UBAP2: variants seen among roughly 807,000 people sequenced by gnomAD.
UBAP2 encodes the protein ubiquitin associated protein 2.
UBAP2 carries 75 observed loss-of-function variants against 139.6 expected under a neutral mutation model. The observed-to-expected ratio is 0.54, with a 90% CI of 0.45 to 0.65. The LOEUF (loss-of-function observed/expected upper bound fraction) is 0.65, where lower values mean the gene tolerates loss of function less well. UBAP2 is among the 30% of genes least tolerant of loss of function. The probability of loss-of-function intolerance (pLI) is 0.00; values close to 1 mark genes in which losing one functional copy is unlikely to be tolerated. For missense variants in UBAP2, 1,368 were observed against 1,369.6 expected (o/e 1.00, Z 0.02); for synonymous variants, 526 against 526.2 (o/e 1.00, Z 0.01).
rs777878760 is a variant in UBAP2 at position 33,953,295 on chromosome 9, G to C, written c.1046C>G (p.Pro349Arg). Residue 349 changes from proline (P) to arginine (R), a missense_variant, in exon 12 of 29, where the codon CCT becomes CGT. By Grantham distance (103) the Pro-to-Arg change is moderately radical. Coordinates refer to ENST00000379238, the MANE Select transcript of UBAP2 (RefSeq NM_001370062.2). ...ATAAAAGTGAGTTACCAGGCTCTGA[G>C]GAGAACAGGAGTTGACGGCAGTGGA... The part of the protein sequence containing the change: ...GSSTAVNSCS[P>R]QSLSSVLGSG... 3.1e-6 allele frequency: 5 copies of C among 1,613,654 alleles called. No homozygotes were observed. Among genetic ancestry groups the C allele is most frequent in the East Asian group, 2.2e-5 (1 of 44,874 alleles).
intron 1 of UBAP2, among the ~76,000 whole-genome samples, chr9:34,038,971 G>A (rs1251143034): frequency 5.3e-5 from 7 of 133,076 alleles, no homozygotes; most frequent in Non-Finnish European, 9.5e-5. Flanking sequence ...GCCCGACCGC[G>A]ACCCCGTCTG....
rs541804451 is a variant in UBAP2, at chr9:33,968,647, A to G, written c.679+3004T>C. The stretch of plus-strand genomic sequence containing the variant: ...ATAATCATACGGATTTTTCTCCTTA[A>G]TTTTGTTAAATGGATAATACTAATT... On this transcript the variant is annotated intron_variant, in intron 8 of 28. Coordinates refer to ENST00000379238, the MANE Select transcript of UBAP2 (RefSeq NM_001370062.2). The G allele has an allele frequency of 4.4e-5, 12 of 272,062 alleles. No homozygotes were observed. The South Asian group carries it at 5.2e-4, about 12-fold the overall frequency. The allele number at this position is 272,062 out of a possible 1,614,324, so 16.9% of individuals were successfully genotyped here. A position where few individuals can be genotyped will look rare whatever the true frequency, so the allele number is the denominator to read the frequency against.
chr9:33,923,141 C>A, intron 26 of UBAP2, 45 bp downstream of exon 26: 1 of 1,611,770 alleles, frequency 6.2e-7, no homozygotes, highest in Non-Finnish European at 8.5e-7. Flanking sequence ...CAGGCAGGAG[C>A]CCACCACTCC....
At chr9:34,001,771 T>C (rs905995193) in intron 2 of UBAP2, among the ~76,000 whole-genome samples, 1 of 152,084 alleles carries the variant, frequency 6.6e-6, no homozygotes, top group African/African-American at 2.4e-5. Flanking sequence ...GTTTCAAACC[T>C]AAAAAATGTA....
intron 6 of UBAP2, among the ~76,000 whole-genome samples, chr9:33,982,480 G>A (rs1204136197): frequency 3.3e-5 from 5 of 152,148 alleles, no homozygotes; most frequent in African/African-American, 9.7e-5. Context: ...TAAAGCGAAC[G>A]TAATAGATTT....
intron 1 of UBAP2, among the ~76,000 whole-genome samples, chr9:34,033,043 T>C (rs1026314354): frequency 2.6e-5 from 4 of 152,076 alleles, no homozygotes; most frequent in African/African-American, 9.7e-5. Context: ...ACAACTACTA[T>C]GGAAAACAAT....
intron 2 of UBAP2, among the ~76,000 whole-genome samples, chr9:34,005,140 G>T (rs1823080558): frequency 6.6e-6 from 1 of 151,772 alleles, no homozygotes; most frequent in Non-Finnish European, 1.5e-5. Flanking sequence ...GCACGAGCCT[G>T]AAATCCCAAC....
At chr9:33,927,688 A>C in intron 20 of UBAP2, 109 bp downstream of exon 20, 1 of 1,178,354 alleles carries the variant, frequency 8.5e-7, no homozygotes, top group East Asian at 2.5e-5. Flanking sequence ...CACGCAGCGC[A>C]CTCGGCGGGC....
At chr9:33,998,907 C>T (rs749283287) in intron 2 of UBAP2, 43 bp from the exon 3 acceptor site, 1 of 1,551,434 alleles carries the variant, frequency 6.4e-7, no homozygotes, top group Non-Finnish European at 8.8e-7. Flanking sequence ...ACACCAAAAG[C>T]ATAAGTTAGA....
In UBAP2 at chr9:33,922,447, G is replaced by A. The variant is rs770457869; in HGVS notation, c.*57C>T. 19 of 1,542,224 alleles carry A rather than the reference G, an allele frequency of 1.2e-5. No homozygotes were observed. The highest frequency in any genetic ancestry group is 1.2e-4 in the East Asian group (5 of 43,048). ...GCACTGGGCTCCCAAATACGTGCTC[G>A]TGTGTTCTCTCCTGCCCAGGATAAG... On this transcript the variant is annotated 3_prime_UTR_variant, in exon 29 of 29. Coordinates refer to ENST00000379238, the MANE Select transcript of UBAP2 (RefSeq NM_001370062.2).
intron 1 of UBAP2, among the ~76,000 whole-genome samples, chr9:34,022,394 C>A (rs1460458266): frequency 6.6e-6 from 1 of 151,750 alleles, no homozygotes; most frequent in Non-Finnish European, 1.5e-5. Context: ...ATCACTTAAC[C>A]CACAGTTCAA....
chr9:33,969,310 T>C (rs1346054157), intron 8 of UBAP2, among the ~76,000 whole-genome samples: 1 of 152,184 alleles, frequency 6.6e-6, no homozygotes, highest in African/African-American at 2.4e-5. Context: ...ATCCTAGCAC[T>C]GGCTGGGTGG....
intron 2 of UBAP2, among the ~76,000 whole-genome samples, chr9:34,006,858 G>A (rs771482534): frequency 4.6e-5 from 7 of 152,082 alleles, no homozygotes; most frequent in African/African-American, 1.2e-4. Context: ...CAATCAAAAC[G>A]ACTAGAGAAA....
intron 1 of UBAP2, among the ~76,000 whole-genome samples, chr9:34,030,653 A>C (rs1229604746): frequency 1.3e-5 from 2 of 149,214 alleles, no homozygotes; most frequent in Non-Finnish European, 3.0e-5. Flanking sequence ...GGGGCCAGGC[A>C]CGGTGGCTCA....
chr9:33,985,044 A>G (rs1033842213), intron 6 of UBAP2, among the ~76,000 whole-genome samples: 3 of 152,220 alleles, frequency 2.0e-5, no homozygotes, highest in Admixed American at 1.3e-4. Flanking sequence ...CCATTTTGGA[A>G]AACAGTATGG....
intron 6 of UBAP2, among the ~76,000 whole-genome samples, chr9:33,976,179 T>C (rs1190224132): frequency 1.3e-5 from 2 of 152,200 alleles, no homozygotes; most frequent in Non-Finnish European, 2.9e-5. Flanking sequence ...ACTTTCAGTC[T>C]ATAGCTTTTG....
At chr9:33,956,317 AT>A (rs55858327) in intron 10 of UBAP2, among the ~76,000 whole-genome samples, 171 bp from the exon 11 acceptor site, 102,243 of 133,954 alleles carry the variant, frequency 0.76, 38,770 homozygotes, top group South Asian at 0.84. Context: ...AGTGAATGCA[AT>A]TTTTTTTTTT....
intron 1 of UBAP2, among the ~76,000 whole-genome samples, chr9:34,035,514 A>AATATATATATATATATATATATAT (rs1554692782): frequency 3.6e-4 from 8 of 22,438 alleles, no homozygotes; most frequent in East Asian, 1.8e-3. Context: ...AAAAAAAAAA[A>AATATATATATATATATATATATAT]ATATATATAT....
intron 1 of UBAP2, among the ~76,000 whole-genome samples, chr9:34,046,626 A>C (rs1470736806): frequency 7.0e-6 from 1 of 142,186 alleles, no homozygotes; most frequent in East Asian, 2.0e-4. Flanking sequence ...CCTGGGCGAC[A>C]GAACAAGACT....
Sources: allele counts gnomAD v4.1 joint callset (sites outside exome capture counted in the v4.1 genomes callset), GRCh38; gene constraint gnomAD v4.1.1; transcripts MANE v1.5; gene names NCBI Gene and HGNC (gene_info 2026-07-23, HGNC 2026-07-21).